HLF: variants seen among roughly 807,000 people sequenced by gnomAD.
The protein encoded by HLF is hepatic leukemia factor.
In HLF, 3 loss-of-function variants were observed where a neutral mutation model predicts 22.6. The observed-to-expected ratio is 0.13, with a 90% CI of 0.06 to 0.34. The LOEUF is 0.34. Among genes scored for constraint, HLF ranks in the 10% least tolerant of loss-of-function variants. HLF has a pLI of 1.00. For synonymous variants in HLF, 151 were observed against 151.8 expected, an observed-to-expected ratio of 0.99 and a Z score of 0.04; for missense variants, 299 against 389.2, an observed-to-expected ratio of 0.77 and a Z score of 1.95.
chr17:55,313,724 C>T (rs1904945702), intron 2 of HLF, among the ~76,000 whole-genome samples: 1 of 152,154 alleles, frequency 6.6e-6, no homozygotes, highest in Admixed American at 6.5e-5. Context: ...GTACAGAACT[C>T]AGCAGTCTCT....
intron 2 of HLF, among the ~76,000 whole-genome samples, chr17:55,287,457 C>T (rs956231599): frequency 6.6e-6 from 1 of 152,206 alleles, no homozygotes; most frequent in African/African-American, 2.4e-5. Context: ...TGCCACCCAG[C>T]ATAACAACAC....
intron 2 of HLF, among the ~76,000 whole-genome samples, chr17:55,280,031 G>C (rs1157372917): frequency 1.3e-5 from 2 of 152,210 alleles, no homozygotes; most frequent in Non-Finnish European, 2.9e-5. Context: ...GCTGATACCT[G>C]CTTCAGAGGA....
At chr17:55,283,294 C>A (rs982221109) in intron 2 of HLF, among the ~76,000 whole-genome samples, 1 of 152,116 alleles carries the variant, frequency 6.6e-6, no homozygotes, top group African/African-American at 2.4e-5. Context: ...TTTCATCTTG[C>A]AACTGGCTCT....
rs532433881 is a variant in HLF at position 55,298,706 on chromosome 17, C to T, written c.452-16521C>T. ...ATGTGTGAAAATTTACCTACTTCTCCCTACCAACATGGAGGTGGAAAGAAG... is the reference window on the plus strand; with the variant it reads ...ATGTGTGAAAATTTACCTACTTCTCTCTACCAACATGGAGGTGGAAAGAAG... On this transcript the variant is annotated intron_variant, in intron 2 of 3. Coordinates refer to ENST00000226067, the MANE Select transcript of HLF (RefSeq NM_002126.5). Among the ~76,000 whole-genome samples the T allele has an allele frequency of 1.1e-3, 171 of 151,788 alleles. 1 individual carries two copies. The highest frequency in any genetic ancestry group is 2.0e-3 in the Non-Finnish European group (134 of 68,006).
At chr17:55,318,229 CT>C (rs1349322045) in intron 3 of HLF, among the ~76,000 whole-genome samples, 1 of 152,170 alleles carries the variant, frequency 6.6e-6, no homozygotes, top group Non-Finnish European at 1.5e-5. Context: ...CGCTTCCCCC[CT>C]GCCCGCAACC....
intron 2 of HLF, among the ~76,000 whole-genome samples, chr17:55,302,769 C>A (rs550298083): frequency 6.6e-6 from 1 of 152,240 alleles, no homozygotes; most frequent in African/African-American, 2.4e-5. Context: ...TAAAAAGACT[C>A]CAGGGACCTA....
intron 2 of HLF, among the ~76,000 whole-genome samples, chr17:55,300,690 C>T (rs1179405003): frequency 6.6e-6 from 1 of 152,126 alleles, no homozygotes; most frequent in Admixed American, 6.5e-5. Flanking sequence ...TCATGTTGCC[C>T]CCATCTCATT....
chr17:55,296,511 A>T (rs1436579243), intron 2 of HLF, among the ~76,000 whole-genome samples: 2 of 152,166 alleles, frequency 1.3e-5, no homozygotes, highest in Non-Finnish European at 2.9e-5. Flanking sequence ...AAATATATGT[A>T]TATGCATACA....
intron 2 of HLF, among the ~76,000 whole-genome samples, chr17:55,278,382 T>G (rs2080924854): frequency 6.6e-6 from 1 of 152,234 alleles, no homozygotes; most frequent in Admixed American, 6.5e-5. Flanking sequence ...TAGCTCTGGG[T>G]AACAGTCTGC....
chr17:55,324,904 T>C lies in HLF; in HGVS notation c.*4025T>C, dbSNP rs1434296397. 4.3e-6 allele frequency: 1 copy of C among 231,836 alleles called. No individual in the cohort carries two copies. Among genetic ancestry groups the C allele is most frequent in the East Asian group, 6.1e-5 (1 of 16,398 alleles). The allele number at this position is 231,836 out of a possible 1,614,324, so 14.4% of individuals were successfully genotyped here. On this transcript the variant is annotated 3_prime_UTR_variant, in exon 4 of 4. Coordinates refer to ENST00000226067, the MANE Select transcript of HLF (RefSeq NM_002126.5). ...CAAACATAACAATAATCCATTATCC[T>C]TTTGGCAACACCACAAAGATCGCAT...
intron 1 of HLF, chr17:55,266,836 T>G (rs1178360056): frequency 5.1e-6 from 5 of 983,372 alleles, no homozygotes; most frequent in Non-Finnish European, 6.0e-6. Context: ...AAAGACCTAA[T>G]GGGCGAGCAG....
At chr17:55,279,944 G>A (rs11654125) in intron 2 of HLF, among the ~76,000 whole-genome samples, 24,344 of 151,202 alleles carry the variant, frequency 0.16, 2,303 homozygotes, top group Non-Finnish European at 0.21. Flanking sequence ...GGATGTCATC[G>A]GCCAACCCGC....
intron 2 of HLF, among the ~76,000 whole-genome samples, chr17:55,291,933 T>C (rs1454421108): frequency 6.6e-6 from 1 of 152,218 alleles, no homozygotes; most frequent in Non-Finnish European, 1.5e-5. Flanking sequence ...GAAATAACTT[T>C]AGATGTGGCG....
intron 3 of HLF, among the ~76,000 whole-genome samples, chr17:55,319,905 A>G (rs1346960544): frequency 1.3e-5 from 2 of 152,140 alleles, no homozygotes; most frequent in African/African-American, 2.4e-5. Flanking sequence ...TGAATATATG[A>G]TTTTTAATCA....
chr17:55,317,346 G>A (rs1905111379), intron 3 of HLF, among the ~76,000 whole-genome samples: 1 of 152,154 alleles, frequency 6.6e-6, no homozygotes, highest in African/African-American at 2.4e-5. Flanking sequence ...TTGAATGGAG[G>A]GTAGTTTGAA....
At chr17:55,289,390 C>G (rs1412421747) in intron 2 of HLF, among the ~76,000 whole-genome samples, 1 of 152,178 alleles carries the variant, frequency 6.6e-6, no homozygotes, top group African/African-American at 2.4e-5. Flanking sequence ...ACCCCAGGCC[C>G]TATGTGCCCA....
chr17:55,285,924 G>A (rs558004390), intron 2 of HLF, among the ~76,000 whole-genome samples: 2 of 152,316 alleles, frequency 1.3e-5, no homozygotes, highest in South Asian at 4.1e-4. Flanking sequence ...CAGGTACTGA[G>A]GTGATCCAGC....
In HLF at chr17:55,265,618, CCGCTCCGGGAAGGGACGA is replaced by C. The variant is rs1463370385; in HGVS notation, c.115+29_115+46del. ...GAAGACGGTGAGCGCTGCCGCGGCC[CCGCTCCGGGAAGGGACGA>C]CGCTCCGGGGGTCCCCCTCCGCGGC... On this transcript the variant is annotated intron_variant, in intron 1 of 3. Coordinates refer to ENST00000226067, the MANE Select transcript of HLF (RefSeq NM_002126.5). The C allele has an allele frequency of 1.9e-6, 3 of 1,543,056 alleles. No individual in the cohort carries two copies. The highest frequency in any genetic ancestry group is 1.7e-5 in the Admixed American group (1 of 58,062).
intron 2 of HLF, among the ~76,000 whole-genome samples, chr17:55,307,849 TCAAA>T (rs951886856): frequency 3.5e-5 from 5 of 144,444 alleles, no homozygotes; most frequent in African/African-American, 1.0e-4. Flanking sequence ...AAAAAAAACA[TCAAA>T]CAGAGTTGTT....
Sources: gnomAD v4.1 joint callset for allele counts (sites outside exome capture counted in the v4.1 genomes callset) on GRCh38, gnomAD v4.1.1 for gene constraint, MANE v1.5 for transcripts, NCBI Gene and HGNC (gene_info 2026-07-23, HGNC 2026-07-21) for gene names.